SLC10A7: variants seen among roughly 807,000 people sequenced by gnomAD.
SLC10A7 encodes the protein sodium/bile acid cotransporter 7.
SLC10A7 carries 29 observed loss-of-function variants against 43.2 expected under a neutral mutation model. That is an observed-to-expected ratio of 0.67 (90% confidence interval 0.50 to 0.92). The LOEUF (loss-of-function observed/expected upper bound fraction) is 0.92. Among genes scored for constraint, SLC10A7 ranks in the 40% least tolerant of loss-of-function variants. The probability of loss-of-function intolerance (pLI) is 0.00; values close to 1 mark genes in which losing one functional copy is unlikely to be tolerated. For synonymous variants in SLC10A7, 152 were observed against 144.8 expected (o/e 1.05, Z -0.35); for missense variants, 295 against 403.2 (o/e 0.73, Z 2.30).
chr4:146,452,294 C>A (rs1362802294), intron 4 of SLC10A7, among the ~76,000 whole-genome samples: 1 of 151,948 alleles, frequency 6.6e-6, no homozygotes, highest in East Asian at 1.9e-4. Context: ...TAGAAAAGTT[C>A]TTCAACTATG....
intron 10 of SLC10A7, among the ~76,000 whole-genome samples, chr4:146,279,269 C>T (rs1387201178): frequency 6.6e-6 from 1 of 152,144 alleles, no homozygotes; most frequent in East Asian, 1.9e-4. Flanking sequence ...GAAACATTTG[C>T]TTGCTAAGTA....
At chr4:146,280,171 T>C (rs1224719809) in intron 10 of SLC10A7, among the ~76,000 whole-genome samples, 1 of 152,208 alleles carries the variant, frequency 6.6e-6, no homozygotes, top group Non-Finnish European at 1.5e-5. Flanking sequence ...ATGTTAAAGA[T>C]GTGTATACAC....
rs34522588 is a variant in SLC10A7 at position 146,335,251 on chromosome 4, T to TAAAAAAAA, written c.436-9263_436-9256dup. On this transcript the variant is annotated intron_variant, in intron 5 of 11. Transcript: ENST00000335472. ...CATTAAAGTGTTGCCACAGATGTTG[T>TAAAAAAAA]AAAAAAAAAAAAAAAAAAAAAAAAA... Among the ~76,000 whole-genome samples, 11 of 92,654 alleles carry TAAAAAAAA rather than the reference T, an allele frequency of 1.2e-4. No individual in the cohort carries two copies. In the East Asian group the frequency reaches 2.7e-3, roughly 23 times the overall value. The allele number at this position is 92,654 out of a possible 152,430, so 60.8% of individuals were successfully genotyped here. A position where few individuals can be genotyped will look rare whatever the true frequency, so the allele number is the denominator to read the frequency against.
At chr4:146,410,608 C>T (rs1728120390) in intron 5 of SLC10A7, among the ~76,000 whole-genome samples, 1 of 152,052 alleles carries the variant, frequency 6.6e-6, no homozygotes, top group Non-Finnish European at 1.5e-5. Context: ...TCCAAAGTTA[C>T]CTAGTTTATC....
At chr4:146,366,935 CA>C (rs983407139) in intron 5 of SLC10A7, among the ~76,000 whole-genome samples, 10 of 152,026 alleles carry the variant, frequency 6.6e-5, no homozygotes, top group Non-Finnish European at 1.2e-4. Flanking sequence ...TCATTAGGGG[CA>C]AAGAAACTTC....
chr4:146,431,491 T>A (rs1191834677), intron 5 of SLC10A7, among the ~76,000 whole-genome samples: 1 of 152,088 alleles, frequency 6.6e-6, no homozygotes, highest in African/African-American at 2.4e-5. Flanking sequence ...TACCTGACAT[T>A]GTGATAGGAA....
At chr4:146,504,122 CTT>C (rs1467064893) in intron 3 of SLC10A7, among the ~76,000 whole-genome samples, 198 bp from the exon 4 acceptor site, 2 of 152,156 alleles carry the variant, frequency 1.3e-5, no homozygotes, top group Non-Finnish European at 2.9e-5. Flanking sequence ...GTTCTAATCT[CTT>C]ATGCTATTCC....
chr4:146,344,524 A>C (rs1734483282), intron 5 of SLC10A7, among the ~76,000 whole-genome samples: 1 of 152,048 alleles, frequency 6.6e-6, no homozygotes, highest in African/African-American at 2.4e-5. Flanking sequence ...TTTCTTTTGA[A>C]GTAGTAGTTT....
intron 5 of SLC10A7, among the ~76,000 whole-genome samples, chr4:146,410,106 G>A (rs1411968022): frequency 1.3e-5 from 2 of 152,168 alleles, no homozygotes; most frequent in Non-Finnish European, 2.9e-5. Flanking sequence ...AACAAGGTTA[G>A]AAAGGTAAGG....
At chr4:146,521,300 G>C (rs1295518714) in intron 1 of SLC10A7, among the ~76,000 whole-genome samples, 1 of 151,920 alleles carries the variant, frequency 6.6e-6, no homozygotes, top group Non-Finnish European at 1.5e-5. Context: ...TAGCAACCTA[G>C]ATTCCCTTGG....
At chr4:146,420,598 TA>T (rs2149847012) in intron 5 of SLC10A7, among the ~76,000 whole-genome samples, 1 of 152,262 alleles carries the variant, frequency 6.6e-6, no homozygotes, top group South Asian at 2.1e-4. Context: ...AGCTGAGAGA[TA>T]GGTACATAAG....
chr4:146,370,312 T>C (rs984075052), intron 5 of SLC10A7, among the ~76,000 whole-genome samples: 1 of 152,236 alleles, frequency 6.6e-6, no homozygotes, highest in African/African-American at 2.4e-5. Flanking sequence ...GAAAAATTAA[T>C]TGACTATACA....
intron 4 of SLC10A7, among the ~76,000 whole-genome samples, chr4:146,469,368 C>T (rs550130825): frequency 6.6e-6 from 1 of 152,276 alleles, no homozygotes; most frequent in South Asian, 2.1e-4. Context: ...TGCCAAAGGG[C>T]ACATGGGAAA....
intron 5 of SLC10A7, among the ~76,000 whole-genome samples, chr4:146,399,968 G>C (rs1739113608): frequency 6.6e-6 from 1 of 152,026 alleles, no homozygotes; most frequent in Non-Finnish European, 1.5e-5. Context: ...TTGGATGATT[G>C]GATAAATTTT....
intron 9 of SLC10A7, among the ~76,000 whole-genome samples, chr4:146,283,985 A>G (rs996383990): frequency 6.9e-6 from 1 of 144,214 alleles, no homozygotes; most frequent in African/African-American, 2.9e-5. Flanking sequence ...TAAACATTAA[A>G]AAAAACCTCA....
Position 146,517,138 on chromosome 4 carries a change from A to T in SLC10A7, c.101-18T>A. On this transcript the variant is annotated intron_variant, in intron 1 of 11. Coordinates refer to ENST00000335472, the MANE Select transcript of SLC10A7 (RefSeq NM_001029998.6). ...CAGTGGTCCTAAAAAGAGAAAAAAGAGTTATTGCTAGAAAAGAATTTCAGT... is the reference window on the plus strand; with the variant it reads ...CAGTGGTCCTAAAAAGAGAAAAAAGTGTTATTGCTAGAAAAGAATTTCAGT... The T allele has an allele frequency of 1.3e-6, 2 of 1,574,262 alleles. No individual in the cohort carries two copies.
chr4:146,520,585 A>G (rs1159944847), intron 1 of SLC10A7, among the ~76,000 whole-genome samples: 1 of 152,194 alleles, frequency 6.6e-6, no homozygotes, highest in East Asian at 1.9e-4. Context: ...CTGTTCTCCT[A>G]AGAGATCATT....
intron 7 of SLC10A7, among the ~76,000 whole-genome samples, chr4:146,299,579 G>A (rs976347671): frequency 2.0e-5 from 3 of 152,140 alleles, no homozygotes; most frequent in African/African-American, 7.2e-5. Flanking sequence ...CCAGTGCAAA[G>A]GTTCTAAGGC....
chr4:146,277,527 C>T lies in SLC10A7; in HGVS notation c.847+5665G>A, dbSNP rs193126496. Among the ~76,000 whole-genome samples, 473 of 152,168 alleles carry T rather than the reference C, an allele frequency of 3.1e-3. 3 individuals carry two copies. The highest frequency in any genetic ancestry group is 5.0e-3 in the Admixed American group (76 of 15,290). On this transcript the variant is annotated intron_variant, in intron 10 of 11. Coordinates refer to ENST00000335472, the MANE Select transcript of SLC10A7 (RefSeq NM_001029998.6). ...AGACACTCCCTCACTTTTCTTTAGC[C>T]TGGTGGTAAAAATCTACTAGGTCCA...
Sources: allele counts gnomAD v4.1 joint callset (sites outside exome capture counted in the v4.1 genomes callset), GRCh38; gene constraint gnomAD v4.1.1; transcripts MANE v1.5; gene names NCBI Gene and HGNC (gene_info 2026-07-23, HGNC 2026-07-21).